PBX3: variants seen among roughly 807,000 people sequenced by gnomAD.
PBX3 encodes the protein pre-B-cell leukemia transcription factor 3.
A neutral mutation model predicts 48.5 loss-of-function variants in PBX3; 14 were observed. The observed-to-expected ratio is 0.29, with a 90% confidence interval of 0.19 to 0.45. The LOEUF (loss-of-function observed/expected upper bound fraction) is 0.45. PBX3 is among the 20% of genes least tolerant of loss of function. The probability of loss-of-function intolerance (pLI) is 1.00; values close to 1 mark genes in which losing one functional copy is unlikely to be tolerated. For missense variants in PBX3, 386 were observed against 546.7 expected, an observed-to-expected ratio of 0.71 and a Z score of 2.93; for synonymous variants, 210 against 200.3, an observed-to-expected ratio of 1.05 and a Z score of -0.41.
At chr9:125,920,468 T>C (rs1047397561) in intron 3 of PBX3, among the ~76,000 whole-genome samples, 3 of 152,210 alleles carry the variant, frequency 2.0e-5, no homozygotes, top group African/African-American at 4.8e-5. Flanking sequence ...AATGGACACA[T>C]TGGCTTTTGC....
At chr9:125,959,813 G>C (rs1272471184) in intron 5 of PBX3, among the ~76,000 whole-genome samples, 1 of 152,192 alleles carries the variant, frequency 6.6e-6, no homozygotes, top group Non-Finnish European at 1.5e-5. Flanking sequence ...CTTTTATATA[G>C]TGTGTGGGTA....
intron 2 of PBX3, among the ~76,000 whole-genome samples, chr9:125,855,126 C>G (rs2132272247): frequency 6.6e-6 from 1 of 152,250 alleles, no homozygotes; most frequent in East Asian, 1.9e-4. Flanking sequence ...TTCACTTCAG[C>G]CATACTGCAT....
At chr9:125,930,697 T>C (rs557846543) in intron 4 of PBX3, among the ~76,000 whole-genome samples, 1 of 152,330 alleles carries the variant, frequency 6.6e-6, no homozygotes, top group Admixed American at 6.5e-5. Flanking sequence ...TTTTTCATTT[T>C]AGCTCTTTAT....
In PBX3 at chr9:125,752,159, A is replaced by T. The variant is rs143289249; in HGVS notation, c.274+3536A>T. ...AAACTCTGATTTATTGCCACCACAA[A>T]CCCTAAATAGCGTTCATTTACTAGT... On this transcript the variant is annotated intron_variant, in intron 2 of 8. Coordinates refer to ENST00000373489, the MANE Select transcript of PBX3 (RefSeq NM_006195.6). Among the ~76,000 whole-genome samples the T allele has an allele frequency of 4.6e-5, 7 of 152,230 alleles. No homozygotes were observed. In the East Asian group the frequency reaches 1.4e-3, roughly 29 times the overall value.
chr9:125,832,288 C>T (rs961961287), intron 2 of PBX3, among the ~76,000 whole-genome samples: 10 of 152,000 alleles, frequency 6.6e-5, no homozygotes, highest in South Asian at 2.1e-4. Flanking sequence ...CTCTGCCTCC[C>T]GGGTTCATGC....
intron 2 of PBX3, among the ~76,000 whole-genome samples, chr9:125,899,259 T>A (rs1050439985): frequency 1.6e-5 from 2 of 124,514 alleles, no homozygotes; most frequent in Non-Finnish European, 3.4e-5. Flanking sequence ...GTATATATAT[T>A]TATATATAAA....
chr9:125,752,937 G>A (rs1207267804), intron 2 of PBX3, among the ~76,000 whole-genome samples: 1 of 151,976 alleles, frequency 6.6e-6, no homozygotes, highest in East Asian at 1.9e-4. Context: ...TTGTTTTAAT[G>A]AACTTATTTT....
At chr9:125,915,048 C>T (rs981474028) in intron 2 of PBX3, among the ~76,000 whole-genome samples, 5 of 152,016 alleles carry the variant, frequency 3.3e-5, no homozygotes, top group East Asian at 1.9e-4. Context: ...TTAGTATCCT[C>T]GTTTTATAGT....
chr9:125,926,957 T>C (rs922434280), intron 3 of PBX3, among the ~76,000 whole-genome samples: 2 of 152,240 alleles, frequency 1.3e-5, no homozygotes, highest in Non-Finnish European at 2.9e-5. Flanking sequence ...CTGTGTCATA[T>C]CCTGGGACAA....
At chr9:125,895,501 A>G (rs1298179414) in intron 2 of PBX3, among the ~76,000 whole-genome samples, 1 of 152,030 alleles carries the variant, frequency 6.6e-6, no homozygotes, top group African/African-American at 2.4e-5. Context: ...CTTGGAAATT[A>G]TAGGTACTCA....
chr9:125,849,705 A>G (rs1839524682), intron 2 of PBX3, among the ~76,000 whole-genome samples: 2 of 151,964 alleles, frequency 1.3e-5, no homozygotes, highest in Non-Finnish European at 2.9e-5. Context: ...AAATATAATT[A>G]TTTATATTTT....
At chr9:125,947,382 G>C (rs963418383) in intron 5 of PBX3, among the ~76,000 whole-genome samples, 25 of 152,080 alleles carry the variant, frequency 1.6e-4, no homozygotes, top group Non-Finnish European at 1.0e-4. Flanking sequence ...AGGAGAGTAA[G>C]TGTTCTAAGA....
chr9:125,904,681 T>G (rs1044158428), intron 2 of PBX3, among the ~76,000 whole-genome samples: 1 of 151,848 alleles, frequency 6.6e-6, no homozygotes, highest in Non-Finnish European at 1.5e-5. Flanking sequence ...AGAGGAATAT[T>G]AGGGGCAGAG....
At chr9:125,751,218 CTA>C (rs1391888205) in intron 2 of PBX3, among the ~76,000 whole-genome samples, 1 of 152,126 alleles carries the variant, frequency 6.6e-6, no homozygotes, top group African/African-American at 2.4e-5. Context: ...GTTGATGACT[CTA>C]TTCTGCTTAA....
chr9:125,923,852 C>T (rs1841509966), intron 3 of PBX3, among the ~76,000 whole-genome samples: 1 of 151,784 alleles, frequency 6.6e-6, no homozygotes, highest in Non-Finnish European at 1.5e-5. Flanking sequence ...AGGTGTGAAC[C>T]ACTGCACCCA....
At chr9:125,876,805 T>TC (rs1373231235) in intron 2 of PBX3, among the ~76,000 whole-genome samples, 5 of 137,326 alleles carry the variant, frequency 3.6e-5, no homozygotes, top group African/African-American at 8.5e-5. Context: ...TTTCTTTCTT[T>TC]TTTTTTTTTT....
chr9:125,834,084 G>A lies in PBX3; in HGVS notation c.275-81602G>A, dbSNP rs148678964. Among the ~76,000 whole-genome samples, 41 of 152,328 alleles carry A rather than the reference G, an allele frequency of 2.7e-4. No homozygotes were observed. In the East Asian group the frequency reaches 7.5e-3, roughly 28 times the overall value. Reference sequence around the variant, plus strand: ...TGGGAATACAGCAATGACTATGGCTGACAAATATGCTGCCCTGAAAGACCA... The same window carrying A: ...TGGGAATACAGCAATGACTATGGCTAACAAATATGCTGCCCTGAAAGACCA... On this transcript the variant is annotated intron_variant, in intron 2 of 8. Coordinates refer to ENST00000373489, the MANE Select transcript of PBX3 (RefSeq NM_006195.6).
intron 2 of PBX3, among the ~76,000 whole-genome samples, chr9:125,906,823 G>A (rs1330935842): frequency 1.3e-5 from 2 of 151,880 alleles, no homozygotes. Flanking sequence ...TTTGAATAAA[G>A]TTTTCTGAAA....
chr9:125,874,908 A>G (rs933539217), intron 2 of PBX3, among the ~76,000 whole-genome samples: 11 of 152,188 alleles, frequency 7.2e-5, no homozygotes, highest in African/African-American at 2.7e-4. Flanking sequence ...GCTTTGTTTA[A>G]CATAGCAAAA....
Sources: gnomAD v4.1 joint callset for allele counts (sites outside exome capture counted in the v4.1 genomes callset) on GRCh38, gnomAD v4.1.1 for gene constraint, MANE v1.5 for transcripts, NCBI Gene and HGNC (gene_info 2026-07-23, HGNC 2026-07-21) for gene names.